Variants in UBQLN1 observed in about 807,000 individuals in gnomAD.
UBQLN1 encodes ubiquilin-1.
In UBQLN1, 13 loss-of-function variants were observed where a neutral mutation model predicts 65.4. The ratio of observed to expected loss-of-function variants is 0.20; its 90% CI spans 0.13 to 0.32. The LOEUF (loss-of-function observed/expected upper bound fraction) is 0.32. UBQLN1 is among the 10% of genes least tolerant of loss of function. The pLI, the probability that UBQLN1 is intolerant of heterozygous loss-of-function variation, is 1.00. For synonymous variants in UBQLN1, 267 were observed against 247.8 expected (o/e 1.08, Z -0.73); for missense variants, 561 against 724.0 (o/e 0.77, Z 2.58).
At position 83,707,742 on chromosome 9, in the gene UBQLN1, A is replaced by G. The variant is rs1832442095; in HGVS notation, c.-63T>C. The stretch of plus-strand genomic sequence containing the variant: ...AGGAGGGAGCAGGCGAGCAAGGAGG[A>G]GCCAGCAGACACCAGAGCCGGCAGG... On this transcript the variant is annotated 5_prime_UTR_variant, in exon 1 of 11. Transcript: ENST00000376395. The G allele has an allele frequency of 1.3e-6, 2 of 1,490,912 alleles. No homozygotes were observed. Among genetic ancestry groups the G allele is most frequent in the African/African-American group, 1.4e-5 (1 of 68,978 alleles). The allele number at this position is 1,490,912 out of a possible 1,614,324, so 92.4% of individuals were successfully genotyped here. A position where few individuals can be genotyped will look rare whatever the true frequency, so the allele number is the denominator to read the frequency against.
intron 3 of UBQLN1, among the ~76,000 whole-genome samples, chr9:83,681,546 T>C (rs1831940282): frequency 6.6e-6 from 1 of 152,190 alleles, no homozygotes; most frequent in Non-Finnish European, 1.5e-5. Flanking sequence ...GGAGCATAAA[T>C]ACTTTGGCAA....
chr9:83,679,627 T>G, intron 4 of UBQLN1, 148 bp downstream of exon 4: 1 of 778,536 alleles, frequency 1.3e-6, no homozygotes, highest in Non-Finnish European at 1.9e-6. Context: ...ACAGCCAAAT[T>G]AGCGCTTTGT....
At position 83,673,558 on chromosome 9, in the gene UBQLN1, AAAAAAAAAAC is replaced by A. The variant is rs1339106698; in HGVS notation, c.1105+4159_1105+4168del. ...AGACTCGGTCTTTTAAAAAAAAAAA[AAAAAAAAAAC>A]AAAAAAAAAAAACTGCGCTTACGTT... On this transcript the variant is annotated intron_variant, in intron 6 of 10. Coordinates refer to ENST00000376395, the MANE Select transcript of UBQLN1 (RefSeq NM_013438.5). Among the ~76,000 whole-genome samples the A allele has an allele frequency of 2.8e-3, 249 of 88,070 alleles. 4 individuals are homozygous for A. Among genetic ancestry groups the A allele is most frequent in the African/African-American group, 0.013 (236 of 18,330 alleles). 57.8% of individuals were successfully genotyped at this position (88,070 alleles called of 152,430 possible). A position where few individuals can be genotyped will look rare whatever the true frequency, so the allele number is the denominator to read the frequency against.
intron 2 of UBQLN1, among the ~76,000 whole-genome samples, chr9:83,684,019 A>AAAAC (rs569457776): frequency 8.0e-4 from 122 of 151,854 alleles, no homozygotes; most frequent in Non-Finnish European, 3.8e-4. Context: ...AGACTCTTGA[A>AAAAC]AAACAAACAA....
intron 6 of UBQLN1, among the ~76,000 whole-genome samples, chr9:83,675,712 C>T (rs1831820647): frequency 6.6e-6 from 1 of 152,202 alleles, no homozygotes; most frequent in African/African-American, 2.4e-5. Context: ...ATGCCTTCCA[C>T]ACTGATAAAT....
At chr9:83,704,824 CAAAAAAA>C (rs780432842) in intron 1 of UBQLN1, among the ~76,000 whole-genome samples, 3 of 69,544 alleles carry the variant, frequency 4.3e-5, no homozygotes, top group East Asian at 4.7e-4. Flanking sequence ...GACTCCATCT[CAAAAAAA>C]AAAAAAAAAA....
At chr9:83,678,829 T>C (rs923385430) in intron 4 of UBQLN1, among the ~76,000 whole-genome samples, 1 of 152,146 alleles carries the variant, frequency 6.6e-6, no homozygotes, top group Non-Finnish European at 1.5e-5. Flanking sequence ...CCCATTCTCC[T>C]GCCTCAGCCT....
At chr9:83,701,030 C>A (rs1338367647) in intron 1 of UBQLN1, among the ~76,000 whole-genome samples, 1 of 152,094 alleles carries the variant, frequency 6.6e-6, no homozygotes, top group East Asian at 1.9e-4. Flanking sequence ...CTTATTGGAG[C>A]CACTACCCGA....
intron 6 of UBQLN1, among the ~76,000 whole-genome samples, chr9:83,674,499 G>GT (rs145491972): frequency 2.1e-3 from 323 of 152,258 alleles, no homozygotes; most frequent in African/African-American, 7.5e-3. Context: ...TGCAACCAAA[G>GT]TTAAGTTTCC....
chr9:83,682,097 A>G (rs368334248), intron 3 of UBQLN1, among the ~76,000 whole-genome samples: 10 of 152,246 alleles, frequency 6.6e-5, no homozygotes, highest in African/African-American at 2.2e-4. Context: ...ATCCTGGCTA[A>G]TATGGTGAAA....
rs536733002 is a variant in UBQLN1 at position 83,666,670 on chromosome 9, T to C, written c.1249-237A>G. 301 of 372,974 alleles carry C rather than the reference T, an allele frequency of 8.1e-4. 1 individual carries two copies. The highest frequency in any genetic ancestry group is 6.5e-4 in the Non-Finnish European group (134 of 206,178). The allele number at this position is 372,974 out of a possible 1,614,324, so 23.1% of individuals were successfully genotyped here. On this transcript the variant is annotated intron_variant, in intron 7 of 10. Transcript: ENST00000376395. ...GAGAATGGTGGTTATGATAATGACA[T>C]GCAATATCCTAAAAAATAAAAGCAA... is the stretch of plus-strand genomic sequence containing the variant.
At chr9:83,679,375 A>G (rs1831901815) in intron 4 of UBQLN1, among the ~76,000 whole-genome samples, 1 of 152,192 alleles carries the variant, frequency 6.6e-6, no homozygotes, top group South Asian at 2.1e-4. Flanking sequence ...ACAAATAAAA[A>G]CCAATTAAAG....
chr9:83,660,319 T>C lies in UBQLN1; in HGVS notation c.*1468A>G, dbSNP rs143588139. The C allele has an allele frequency of 2.0e-5, 3 of 152,800 alleles. No individual in the cohort carries two copies. The highest frequency in any genetic ancestry group is 3.9e-4 in the East Asian group (2 of 5,190). 9.5% of individuals were successfully genotyped at this position (152,800 alleles called of 1,614,324 possible). On this transcript the variant is annotated 3_prime_UTR_variant, in exon 11 of 11. Coordinates refer to ENST00000376395, the MANE Select transcript of UBQLN1 (RefSeq NM_013438.5). ...TTGGTCTGAATTCATTTTAGGTTAC[T>C]TTAACATTTTAATTTCCTGTAACTG...
intron 1 of UBQLN1, among the ~76,000 whole-genome samples, chr9:83,694,773 T>C (rs1475742186): frequency 6.6e-6 from 1 of 152,160 alleles, no homozygotes; most frequent in Non-Finnish European, 1.5e-5. Context: ...GTAAATCATA[T>C]AAACTCTGAG....
chr9:83,695,852 A>T (rs898704453), intron 1 of UBQLN1, among the ~76,000 whole-genome samples: 3 of 152,276 alleles, frequency 2.0e-5, no homozygotes, highest in Admixed American at 6.5e-5. Flanking sequence ...CAGTCTCTGC[A>T]AACAGCAGAT....
intron 1 of UBQLN1, among the ~76,000 whole-genome samples, chr9:83,691,834 T>C (rs1040329086): frequency 4.6e-5 from 7 of 152,256 alleles, no homozygotes; most frequent in African/African-American, 1.4e-4. Flanking sequence ...TATGAATTTA[T>C]GGCACTTCAT....
chr9:83,694,450 C>T (rs1832176213), intron 1 of UBQLN1, among the ~76,000 whole-genome samples: 1 of 152,078 alleles, frequency 6.6e-6, no homozygotes, highest in Non-Finnish European at 1.5e-5. Flanking sequence ...TGATGTTTAA[C>T]CTTATAGTAG....
At chr9:83,693,886 T>A (rs1832167108) in intron 1 of UBQLN1, among the ~76,000 whole-genome samples, 1 of 152,238 alleles carries the variant, frequency 6.6e-6, no homozygotes, top group Non-Finnish European at 1.5e-5. Context: ...GGTTTCTTCA[T>A]CAGGAATAGA....
intron 1 of UBQLN1, among the ~76,000 whole-genome samples, chr9:83,705,489 C>T (rs1447372848): frequency 2.0e-5 from 3 of 152,128 alleles, no homozygotes; most frequent in South Asian, 2.1e-4. Flanking sequence ...GCAATCCACC[C>T]GCCTCGGCCT....
Sources: gnomAD v4.1 joint callset for allele counts (sites outside exome capture counted in the v4.1 genomes callset) on GRCh38, gnomAD v4.1.1 for gene constraint, MANE v1.5 for transcripts, NCBI Gene and HGNC (gene_info 2026-07-23, HGNC 2026-07-21) for gene names.